The following UBE2E2 variants were observed in gnomAD, a reference collection of about 807,000 sequenced individuals.
The protein encoded by UBE2E2 is ubiquitin conjugating enzyme E2 E2.
UBE2E2 carries 6 observed loss-of-function variants against 24.7 expected under a neutral mutation model. The ratio of observed to expected loss-of-function variants is 0.24; its 90% CI spans 0.13 to 0.48. The LOEUF (loss-of-function observed/expected upper bound fraction) is 0.48. UBE2E2 is among the 20% of genes least tolerant of loss of function. The pLI is 0.99. For missense variants in UBE2E2, 169 were observed against 245.0 expected (o/e 0.69, Z 2.07); for synonymous variants, 104 against 83.6 (o/e 1.24, Z -1.33).
Position 23,509,372 on chromosome 3 carries a change from A to G in UBE2E2, c.360+9632A>G, listed in dbSNP as rs536541114. 4.3e-4 allele frequency among the ~76,000 whole-genome samples: 66 copies of G among 152,346 alleles called. 1 individual carries two copies. Among genetic ancestry groups the G allele is most frequent in the African/African-American group, 1.6e-3 (65 of 41,588 alleles). ...TCCACTTGAGAGATGGGATGGGGAA[A>G]TAATATTCTACGTGTGATGAAAAAA... On this transcript the variant is annotated intron_variant, in intron 4 of 5. Coordinates refer to ENST00000396703, the MANE Select transcript of UBE2E2 (RefSeq NM_152653.4).
intron 3 of UBE2E2, among the ~76,000 whole-genome samples, chr3:23,259,559 G>A (rs1437662294): frequency 7.3e-6 from 1 of 136,332 alleles, no homozygotes; most frequent in Non-Finnish European, 1.6e-5. Flanking sequence ...TTCTGCACAT[G>A]TATCCTGGAA....
chr3:23,251,336 G>A (rs764107732), intron 3 of UBE2E2, among the ~76,000 whole-genome samples: 8 of 152,186 alleles, frequency 5.3e-5, no homozygotes, highest in African/African-American at 9.6e-5. Flanking sequence ...TATTCTCTGG[G>A]TTGACTTTTC....
chr3:23,567,461 C>G (rs962576631), intron 5 of UBE2E2, among the ~76,000 whole-genome samples: 2 of 152,058 alleles, frequency 1.3e-5, no homozygotes, highest in African/African-American at 2.4e-5. Context: ...TGATAAGAAT[C>G]GAAACCTTCA....
rs1264771786 is a variant in UBE2E2 at position 23,309,133 on chromosome 3, G to T, written c.227+91821G>T. Among the ~76,000 whole-genome samples the T allele has an allele frequency of 2.0e-5, 3 of 152,172 alleles. No homozygotes were observed. The East Asian group carries it at 5.8e-4, about 29-fold the overall frequency. On this transcript the variant is annotated intron_variant, in intron 3 of 5. Coordinates refer to ENST00000396703, the MANE Select transcript of UBE2E2 (RefSeq NM_152653.4). ...GTTCTAGACCCTGCCCACTTTGAGG[G>T]CAGGTCTTCCTCTCTCAGTACACTG...
intron 4 of UBE2E2, among the ~76,000 whole-genome samples, chr3:23,518,030 CT>C (rs1694782474): frequency 6.6e-6 from 1 of 152,024 alleles, no homozygotes; most frequent in Non-Finnish European, 1.5e-5. Flanking sequence ...CCCACTCTTC[CT>C]TTTTTCTTTT....
intron 3 of UBE2E2, among the ~76,000 whole-genome samples, chr3:23,414,743 G>A (rs924453164): frequency 2.0e-5 from 3 of 152,154 alleles, no homozygotes; most frequent in Non-Finnish European, 4.4e-5. Flanking sequence ...CATGAAAGTG[G>A]AGCTGTGATA....
At chr3:23,518,823 C>T (rs201269739) in intron 4 of UBE2E2, among the ~76,000 whole-genome samples, 2 of 152,100 alleles carry the variant, frequency 1.3e-5, no homozygotes, top group East Asian at 3.8e-4. Flanking sequence ...CACATATATT[C>T]ATTTCTTTCT....
chr3:23,517,684 T>A (rs1694773104), intron 4 of UBE2E2, among the ~76,000 whole-genome samples: 1 of 152,196 alleles, frequency 6.6e-6, no homozygotes, highest in Non-Finnish European at 1.5e-5. Context: ...CTACAAAAAA[T>A]TTATTTCTGA....
At chr3:23,435,948 C>T (rs1698169633) in intron 3 of UBE2E2, among the ~76,000 whole-genome samples, 1 of 152,120 alleles carries the variant, frequency 6.6e-6, no homozygotes, top group Non-Finnish European at 1.5e-5. Context: ...TGCCTCAGAT[C>T]ATCAAGCGTT....
At chr3:23,414,131 T>C (rs957640498) in intron 3 of UBE2E2, among the ~76,000 whole-genome samples, 5 of 152,166 alleles carry the variant, frequency 3.3e-5, no homozygotes, top group Non-Finnish European at 7.4e-5. Flanking sequence ...GCATGAGAAA[T>C]TCCATGTTAA....
intron 3 of UBE2E2, among the ~76,000 whole-genome samples, chr3:23,252,351 C>T (rs916631033): frequency 2.0e-5 from 3 of 151,974 alleles, no homozygotes; most frequent in African/African-American, 7.3e-5. Flanking sequence ...TAACAGTGAT[C>T]TTGAGGACTA....
intron 3 of UBE2E2, among the ~76,000 whole-genome samples, chr3:23,291,352 G>A (rs7621680): frequency 0.84 from 127,999 of 152,154 alleles, 53,944 homozygotes; most frequent in African/African-American, 0.9. Flanking sequence ...TAAAACTATT[G>A]TAGTGATAAC....
At chr3:23,536,870 A>T (rs560078686) in intron 5 of UBE2E2, among the ~76,000 whole-genome samples, 3 of 152,340 alleles carry the variant, frequency 2.0e-5, no homozygotes, top group East Asian at 3.9e-4. Flanking sequence ...GTTGCTAAAA[A>T]TCAGACATAC....
intron 3 of UBE2E2, among the ~76,000 whole-genome samples, chr3:23,246,557 A>T (rs978607828): frequency 6.6e-6 from 1 of 151,476 alleles, no homozygotes; most frequent in African/African-American, 2.4e-5. Context: ...TTTTTTTAAA[A>T]TTTTTTGTAG....
At chr3:23,530,974 T>C (rs1695110513) in intron 4 of UBE2E2, among the ~76,000 whole-genome samples, 1 of 152,222 alleles carries the variant, frequency 6.6e-6, no homozygotes, top group South Asian at 2.1e-4. Context: ...GATTTTGCTA[T>C]GCATTTTAAA....
intron 3 of UBE2E2, among the ~76,000 whole-genome samples, chr3:23,263,117 GAGCATGAGGTGATAC>G (rs2125355633): frequency 6.6e-6 from 1 of 152,288 alleles, no homozygotes; most frequent in South Asian, 2.1e-4. Context: ...CTGAGATGGA[GAGCATGAGGTGATAC>G]AGCAATACAT....
At chr3:23,571,433 G>A (rs1696227974) in intron 5 of UBE2E2, among the ~76,000 whole-genome samples, 1 of 151,492 alleles carries the variant, frequency 6.6e-6, no homozygotes, top group Non-Finnish European at 1.5e-5. Context: ...GGGATTACAG[G>A]CGTGTGCCAC....
chr3:23,340,552 G>A (rs753365330), intron 3 of UBE2E2, among the ~76,000 whole-genome samples: 1 of 152,010 alleles, frequency 6.6e-6, no homozygotes, highest in Admixed American at 6.5e-5. Context: ...GTTAAACAGA[G>A]ACATTCTAAA....
chr3:23,328,295 C>T (rs1403622252), intron 3 of UBE2E2, among the ~76,000 whole-genome samples: 1 of 152,036 alleles, frequency 6.6e-6, no homozygotes, highest in African/African-American at 2.4e-5. Context: ...ACAGTTGGTC[C>T]CTGACTTACA....
Sources: gnomAD v4.1 joint callset for allele counts (sites outside exome capture counted in the v4.1 genomes callset) on GRCh38, gnomAD v4.1.1 for gene constraint, MANE v1.5 for transcripts, NCBI Gene and HGNC (gene_info 2026-07-23, HGNC 2026-07-21) for gene names.